The following HCRTR2 variants were observed in gnomAD, a reference collection of about 807,000 sequenced individuals.
The protein encoded by HCRTR2 is orexin receptor type 2.
HCRTR2 carries 22 observed loss-of-function variants against 49.0 expected under a neutral mutation model. That is an observed-to-expected ratio of 0.45 (90% CI 0.32 to 0.64). The LOEUF is 0.64. Among genes scored for constraint, HCRTR2 ranks in the 30% least tolerant of loss-of-function variants. HCRTR2 has a pLI of 0.04. For synonymous variants in HCRTR2, 236 were observed against 205.3 expected, an observed-to-expected ratio of 1.15 and a Z score of -1.28; for missense variants, 491 against 559.4, an observed-to-expected ratio of 0.88 and a Z score of 1.23.
At chr6:55,186,838 T>C (rs1040234248) in intron 1 of HCRTR2, among the ~76,000 whole-genome samples, 1 of 152,150 alleles carries the variant, frequency 6.6e-6, no homozygotes, top group Non-Finnish European at 1.5e-5. Flanking sequence ...GGCATGCCCA[T>C]AGAGCCTAAG....
intron 1 of HCRTR2, among the ~76,000 whole-genome samples, chr6:55,140,044 G>T (rs1489308681): frequency 6.6e-6 from 1 of 152,096 alleles, no homozygotes; most frequent in Non-Finnish European, 1.5e-5. Context: ...TGCATCTCGG[G>T]ATATGAACAC....
At position 55,255,210 on chromosome 6, in the gene HCRTR2, T is replaced by C; in HGVS notation, c.477T>C (p.Pro159=). The C allele has an allele frequency of 6.2e-7, 1 of 1,614,082 alleles. No homozygotes were observed. Among genetic ancestry groups the C allele is most frequent in the Non-Finnish European group, 8.5e-7 (1 of 1,179,982 alleles). Residue 159 remains proline, a synonymous_variant, in exon 3 of 7, where the codon CCT becomes CCC. Coordinates refer to ENST00000370862, the MANE Select transcript of HCRTR2 (RefSeq NM_001384272.1). ...ATCGGTGGTATGCAATCTGTCACCC[T>C]TTGATGTTTAAGAGCACAGCAAAGC... ...ALDRWYAICH[P]LMFKSTAKRA...
rs368558829 is a variant in HCRTR2, at chr6:55,230,948, A to G, written c.224-17691A>G. 9.2e-5 allele frequency among the ~76,000 whole-genome samples: 14 copies of G among 152,052 alleles called. No homozygotes were observed. In the East Asian group the frequency reaches 2.7e-3, roughly 29 times the overall value. On this transcript the variant is annotated intron_variant, in intron 1 of 6. Coordinates refer to ENST00000370862, the MANE Select transcript of HCRTR2 (RefSeq NM_001384272.1). ...TTGGGGGCTGCGAGGAGGCAGTAAGAAGTATCACATCTAATCTTTTCCATA... is the reference window on the plus strand; with the variant it reads ...TTGGGGGCTGCGAGGAGGCAGTAAGGAGTATCACATCTAATCTTTTCCATA...
intron 1 of HCRTR2, among the ~76,000 whole-genome samples, chr6:55,205,197 T>C (rs1243475933): frequency 6.6e-6 from 1 of 152,170 alleles, no homozygotes; most frequent in East Asian, 1.9e-4. Context: ...GATGTACTTT[T>C]GGGAAATGGA....
chr6:55,277,313 A>C (rs971987078), intron 4 of HCRTR2, 67 bp from the exon 5 acceptor site: 6 of 1,349,218 alleles, frequency 4.4e-6, no homozygotes, highest in African/African-American at 1.4e-5. Context: ...GTGTTTTCTA[A>C]TTACTTCCCC....
intron 1 of HCRTR2, among the ~76,000 whole-genome samples, chr6:55,107,480 G>T (rs964055728): frequency 6.6e-6 from 1 of 151,932 alleles, no homozygotes; most frequent in Non-Finnish European, 1.5e-5. Flanking sequence ...TAAGGCATAA[G>T]TACTTACTTA....
intron 4 of HCRTR2, among the ~76,000 whole-genome samples, chr6:55,272,908 G>A (rs150362753): frequency 2.3e-3 from 334 of 147,038 alleles, no homozygotes; most frequent in African/African-American, 8.1e-3. Flanking sequence ...ATAATGTTGC[G>A]AGACAACAGA....
chr6:55,180,429 A>G (rs917455337), intron 1 of HCRTR2, among the ~76,000 whole-genome samples: 1 of 152,350 alleles, frequency 6.6e-6, no homozygotes, highest in East Asian at 1.9e-4. Context: ...GCATGTTGCC[A>G]TGCTGTTTTT....
At chr6:55,158,702 G>C (rs943955268) in intron 1 of HCRTR2, among the ~76,000 whole-genome samples, 1 of 152,214 alleles carries the variant, frequency 6.6e-6, no homozygotes, top group African/African-American at 2.4e-5. Flanking sequence ...AGTTAAAGTA[G>C]GTGGAGCCCA....
intron 1 of HCRTR2, among the ~76,000 whole-genome samples, chr6:55,196,276 A>G (rs1191970565): frequency 6.6e-6 from 1 of 152,146 alleles, no homozygotes; most frequent in Non-Finnish European, 1.5e-5. Context: ...ATGGGACCAG[A>G]GGCAAAAATG....
chr6:55,116,003 T>G (rs1687642567), intron 1 of HCRTR2, among the ~76,000 whole-genome samples: 2 of 151,760 alleles, frequency 1.3e-5, no homozygotes, highest in South Asian at 4.1e-4. Flanking sequence ...AATTTTTAAA[T>G]CCAAATTTAT....
intron 1 of HCRTR2, among the ~76,000 whole-genome samples, chr6:55,195,256 A>T (rs1285024904): frequency 6.6e-6 from 1 of 152,188 alleles, no homozygotes; most frequent in Non-Finnish European, 1.5e-5. Flanking sequence ...TCTCAAGAAA[A>T]TAATAAACTG....
intron 1 of HCRTR2, among the ~76,000 whole-genome samples, chr6:55,216,588 T>A (rs967323324): frequency 1.3e-5 from 2 of 152,220 alleles, no homozygotes; most frequent in African/African-American, 4.8e-5. Context: ...CATATTAAAT[T>A]GTAAAGCTAA....
chr6:55,116,391 A>G (rs1465054654), intron 1 of HCRTR2, among the ~76,000 whole-genome samples: 1 of 151,630 alleles, frequency 6.6e-6, no homozygotes, highest in Non-Finnish European at 1.5e-5. Flanking sequence ...TATATTTTTC[A>G]TCACTGGTTT....
intron 1 of HCRTR2, among the ~76,000 whole-genome samples, chr6:55,168,698 T>C (rs1764909497): frequency 1.3e-5 from 2 of 152,016 alleles, no homozygotes; most frequent in Non-Finnish European, 2.9e-5. Flanking sequence ...CCCAGATAGC[T>C]AGGACCACAG....
At chr6:55,166,231 T>C (rs2127265079) in intron 1 of HCRTR2, among the ~76,000 whole-genome samples, 1 of 152,222 alleles carries the variant, frequency 6.6e-6, no homozygotes, top group South Asian at 2.1e-4. Flanking sequence ...TTTGCTGATA[T>C]TTTGTTGAGG....
chr6:55,120,207 T>C (rs906322436), intron 1 of HCRTR2, among the ~76,000 whole-genome samples: 1 of 152,180 alleles, frequency 6.6e-6, no homozygotes, highest in Non-Finnish European at 1.5e-5. Context: ...AGTAGCATGA[T>C]GCCTCCAGCT....
intron 3 of HCRTR2, among the ~76,000 whole-genome samples, chr6:55,262,470 AAATATAT>A (rs974663086): frequency 1.5e-5 from 2 of 132,202 alleles, no homozygotes; most frequent in African/African-American, 5.7e-5. Flanking sequence ...TATTATATCT[AAATATAT>A]AATATATAAC....
chr6:55,131,490 G>A (rs1230664211), intron 1 of HCRTR2, among the ~76,000 whole-genome samples: 1 of 151,612 alleles, frequency 6.6e-6, no homozygotes, highest in Non-Finnish European at 1.5e-5. Context: ...CTAAATTCCT[G>A]CAATTACTTA....
Sources: gnomAD v4.1 joint callset for allele counts (sites outside exome capture counted in the v4.1 genomes callset) on GRCh38, gnomAD v4.1.1 for gene constraint, MANE v1.5 for transcripts, NCBI Gene and HGNC (gene_info 2026-07-23, HGNC 2026-07-21) for gene names.